FGF14: variants seen among roughly 807,000 people sequenced by gnomAD.
FGF14 encodes the protein fibroblast growth factor homologous factor 4.
Under a neutral mutation model 25.5 loss-of-function variants are expected in FGF14, and 5 were observed. The observed-to-expected ratio is 0.20, with a 90% CI of 0.10 to 0.41. The LOEUF (loss-of-function observed/expected upper bound fraction) is 0.41. Ranked by LOEUF, FGF14 falls within the 10% of genes least tolerant of loss-of-function variation. The probability of loss-of-function intolerance (pLI) is 1.00; values close to 1 mark genes in which losing one functional copy is unlikely to be tolerated. For synonymous variants in FGF14, 138 were observed against 118.3 expected (o/e 1.17, Z -1.08); for missense variants, 222 against 320.1 (o/e 0.69, Z 2.34).
Position 101,718,675 on chromosome 13 carries a change from G to A in FGF14, c.*4156C>T, listed in dbSNP as rs1226323097. ...CCCGTTGTCTTTCTGGGCTCCTTGA[G>A]TTTATCTGGATTCCAACAGCACTTG... On this transcript the variant is annotated 3_prime_UTR_variant, in exon 5 of 5. Coordinates refer to ENST00000376143, the MANE Select transcript of FGF14 (RefSeq NM_004115.4). The A allele has an allele frequency of 6.6e-6, 1 of 151,600 alleles. No homozygotes were observed. Among genetic ancestry groups the A allele is most frequent in the Non-Finnish European group, 1.5e-5 (1 of 67,966 alleles). The allele number at this position is 151,600 out of a possible 1,614,324, so 9.4% of individuals were successfully genotyped here.
intron 1 of FGF14, among the ~76,000 whole-genome samples, chr13:102,330,543 T>G (rs1484622563): frequency 6.6e-6 from 1 of 152,172 alleles, no homozygotes; most frequent in African/African-American, 2.4e-5. Context: ...GACACCTAAC[T>G]CCAAAACACT....
intron 3 of FGF14, among the ~76,000 whole-genome samples, chr13:101,822,897 C>G (rs1180752444): frequency 6.6e-6 from 1 of 152,198 alleles, no homozygotes; most frequent in African/African-American, 2.4e-5. Context: ...AACTATCTTT[C>G]CCAGCCACTG....
At position 102,265,926 on chromosome 13, in the gene FGF14, T is replaced by C. The variant is rs7997553; in HGVS notation, c.208+135545A>G. 4.5e-3 allele frequency among the ~76,000 whole-genome samples: 688 copies of C among 152,190 alleles called. 8 individuals are homozygous for C. The highest frequency in any genetic ancestry group is 0.016 in the African/African-American group (651 of 41,558). On this transcript the variant is annotated intron_variant, in intron 1 of 4. Transcript: ENST00000376131. Reference sequence around the variant, plus strand: ...AAGAAGAAAAAAAAATTTGTTTACTTCCTGCATTGTCATTTAAAAAATTGA... The same window carrying C: ...AAGAAGAAAAAAAAATTTGTTTACTCCCTGCATTGTCATTTAAAAAATTGA...
chr13:101,906,730 G>C (rs2032296041), intron 1 of FGF14, among the ~76,000 whole-genome samples: 1 of 152,032 alleles, frequency 6.6e-6, no homozygotes, highest in Non-Finnish European at 1.5e-5. Context: ...TTTGCCATTT[G>C]CTTATACCTT....
intron 1 of FGF14, among the ~76,000 whole-genome samples, chr13:101,898,416 G>A (rs748688082): frequency 1.2e-4 from 18 of 148,432 alleles, no homozygotes; most frequent in East Asian, 7.9e-4. Context: ...ACCCATCTCC[G>A]TCACAGATTT....
At chr13:102,097,907 C>A (rs1403604135) in intron 1 of FGF14, among the ~76,000 whole-genome samples, 1 of 152,174 alleles carries the variant, frequency 6.6e-6, no homozygotes, top group Admixed American at 6.5e-5. Flanking sequence ...AGCTAAGAGC[C>A]CTGCTCCCAT....
chr13:102,133,185 C>A (rs2046272270), intron 1 of FGF14, among the ~76,000 whole-genome samples: 1 of 152,158 alleles, frequency 6.6e-6, no homozygotes, highest in Non-Finnish European at 1.5e-5. Flanking sequence ...ATTATGTTTA[C>A]CATTATAATT....
intron 1 of FGF14, among the ~76,000 whole-genome samples, chr13:101,915,646 T>A (rs1273588183): frequency 6.6e-6 from 1 of 152,088 alleles, no homozygotes; most frequent in African/African-American, 2.4e-5. Flanking sequence ...AGGTACTAGT[T>A]TCTCAAAGAA....
At chr13:102,161,574 A>G (rs867720406) in intron 1 of FGF14, among the ~76,000 whole-genome samples, 196 of 5,302 alleles carry the variant, frequency 0.037, 52 homozygotes, top group Non-Finnish European at 0.057. Context: ...GTGAAGAAAG[A>G]AAGAAGAAGA....
intron 1 of FGF14, among the ~76,000 whole-genome samples, chr13:102,370,063 C>T (rs2057832000): frequency 6.6e-6 from 1 of 152,056 alleles, no homozygotes. Context: ...GCAACCACAA[C>T]TCACTGCACC....
chr13:101,989,362 A>T (rs955374986), intron 1 of FGF14, among the ~76,000 whole-genome samples: 3 of 152,140 alleles, frequency 2.0e-5, no homozygotes, highest in East Asian at 3.9e-4. Context: ...CAAAACAATT[A>T]TCCATGAGTT....
intron 1 of FGF14, among the ~76,000 whole-genome samples, chr13:101,954,817 C>G (rs2036412318): frequency 6.6e-6 from 1 of 152,180 alleles, no homozygotes; most frequent in Admixed American, 6.5e-5. Flanking sequence ...TATGAGAATT[C>G]AGAGACTGAA....
upstream of FGF14, among the ~76,000 whole-genome samples, chr13:101,917,257 CCT>C (rs1298136827): frequency 1.3e-5 from 2 of 152,102 alleles, no homozygotes; most frequent in African/African-American, 4.8e-5. Flanking sequence ...AATCTTCTCC[CCT>C]GAGATCTCTA....
chr13:102,364,555 A>G (rs1405548865), intron 1 of FGF14, among the ~76,000 whole-genome samples: 1 of 152,248 alleles, frequency 6.6e-6, no homozygotes, highest in East Asian at 1.9e-4. Context: ...AAAAGGAATT[A>G]TGGCAATTGA....
chr13:101,912,481 T>C (rs1464825204), intron 1 of FGF14, among the ~76,000 whole-genome samples: 1 of 152,220 alleles, frequency 6.6e-6, no homozygotes, highest in Non-Finnish European at 1.5e-5. Flanking sequence ...GGGGATACAA[T>C]GTTCATTATA....
In FGF14 at chr13:101,943,092, G is replaced by A. The variant is rs140908545; in HGVS notation, c.209-67796C>T. Among the ~76,000 whole-genome samples, 176 of 152,314 alleles carry A rather than the reference G, an allele frequency of 1.2e-3. 3 individuals are homozygous for A. The East Asian group carries it at 0.031, about 27-fold the overall frequency. On this transcript the variant is annotated intron_variant, in intron 1 of 4. Transcript: ENST00000376131. ...TTAGTATTAATCCCATTTTAGAGAT[G>A]AGGAAACTGAAGTACAGAATGCTAA...
At chr13:101,989,734 A>C (rs2038792966) in intron 1 of FGF14, among the ~76,000 whole-genome samples, 1 of 152,144 alleles carries the variant, frequency 6.6e-6, no homozygotes, top group African/African-American at 2.4e-5. Context: ...CTTGGCAAAG[A>C]GGTAAGCAAG....
At chr13:101,726,490 A>T in intron 4 of FGF14, 122 bp downstream of exon 4, 1 of 945,220 alleles carries the variant, frequency 1.1e-6, no homozygotes, top group Non-Finnish European at 1.6e-6. Context: ...CATCACCTAG[A>T]TCAAAATAAA....
intron 1 of FGF14, among the ~76,000 whole-genome samples, chr13:102,112,217 T>C (rs1282663911): frequency 6.6e-6 from 1 of 152,198 alleles, no homozygotes; most frequent in African/African-American, 2.4e-5. Context: ...ACCCAGAGAA[T>C]AGAATAGGTC....
Sources: allele counts gnomAD v4.1 joint callset (sites outside exome capture counted in the v4.1 genomes callset), GRCh38; gene constraint gnomAD v4.1.1; transcripts MANE v1.5; gene names NCBI Gene and HGNC (gene_info 2026-07-23, HGNC 2026-07-21).